RAPH1: variants seen among roughly 807,000 people sequenced by gnomAD.
The protein encoded by RAPH1 is Ras association (RalGDS/AF-6) and pleckstrin homology domains 1, also known as ras-associated and pleckstrin homology domains-containing protein 1.
A neutral mutation model predicts 88.1 loss-of-function variants in RAPH1; 18 were observed. That is an observed-to-expected ratio of 0.20 (90% CI 0.14 to 0.30). The LOEUF is 0.30. RAPH1 is among the 10% of genes least tolerant of loss of function. RAPH1 has a pLI of 1.00. For synonymous variants in RAPH1, 587 were observed against 559.0 expected (o/e 1.05, Z -0.71); for missense variants, 1,448 against 1,543.2 (o/e 0.94, Z 1.03).
At chr2:203,511,047 G>C (rs1347778260) in intron 1 of RAPH1, among the ~76,000 whole-genome samples, 1 of 152,078 alleles carries the variant, frequency 6.6e-6, no homozygotes, top group Non-Finnish European at 1.5e-5. Context: ...GGCATTTATA[G>C]CTAATCAGCT....
intron 1 of RAPH1, among the ~76,000 whole-genome samples, chr2:203,534,508 A>ACCCCCCCC (rs71007530): frequency 2.1e-4 from 4 of 19,118 alleles, no homozygotes; most frequent in Admixed American, 1.1e-3. Context: ...CCCTCCGTCC[A>ACCCCCCCC]CCCCCCCCCC....
At chr2:203,521,059 T>C (rs1031466224) in intron 1 of RAPH1, among the ~76,000 whole-genome samples, 1 of 152,150 alleles carries the variant, frequency 6.6e-6, no homozygotes, top group Non-Finnish European at 1.5e-5. Context: ...TTTGGGGTTT[T>C]TGTTTTGTTT....
In RAPH1 at chr2:203,441,061, G is replaced by A. The variant is rs1169974606; in HGVS notation, c.2129C>T (p.Pro710Leu). Residue 710 changes from proline to leucine, a missense_variant, in exon 14 of 14, where the codon CCA (proline) becomes CTA (leucine). Transcript: ENST00000319170. ...QILVPPNGVVPPPPPPPPPPT... is the reference protein window; with the variant it reads ...QILVPPNGVVLPPPPPPPPPT... Reference sequence around the variant, plus strand: ...GGGTGGAGGAGGGGGAGGGGGTGGTGGAACAACTCCATTGGGGGGTACCAG... The same window carrying A: ...GGGTGGAGGAGGGGGAGGGGGTGGTAGAACAACTCCATTGGGGGGTACCAG... The A allele has an allele frequency of 2.4e-6, 3 of 1,255,940 alleles. No individual in the cohort carries two copies. The highest frequency in any genetic ancestry group is 1.9e-5 in the Admixed American group (1 of 52,148). 77.8% of individuals were successfully genotyped at this position (1,255,940 alleles called of 1,614,324 possible).
At chr2:203,473,481 A>G (rs1031381083) in intron 4 of RAPH1, among the ~76,000 whole-genome samples, 2 of 152,156 alleles carry the variant, frequency 1.3e-5, no homozygotes, top group Non-Finnish European at 2.9e-5. Flanking sequence ...AATTTCTACC[A>G]GGGCCGTATT....
rs1382772458 is a variant in RAPH1 at position 203,518,135 on chromosome 2, GA to G, written c.-1+16975del. Among the ~76,000 whole-genome samples, 3 of 151,566 alleles carry G rather than the reference GA, an allele frequency of 2.0e-5. No individual in the cohort carries two copies. The South Asian group carries it at 6.3e-4, about 32-fold the overall frequency. On this transcript the variant is annotated intron_variant, in intron 1 of 13. Coordinates refer to ENST00000319170, the MANE Select transcript of RAPH1 (RefSeq NM_213589.3). ...ATAAGCTTCTAGGTAGCTTAACTAA[GA>G]AAAAAAAGAGAACACAAATTACCAA...
rs1559450944 is a variant in RAPH1 at position 203,448,368 on chromosome 2, G to T, written c.1513-289C>A. 1.3e-5 allele frequency among the ~76,000 whole-genome samples: 2 copies of T among 152,062 alleles called. No individual in the cohort carries two copies. Among genetic ancestry groups the T allele is most frequent in the Non-Finnish European group, 2.9e-5 (2 of 68,016 alleles). On this transcript the variant is annotated intron_variant, in intron 11 of 13. Transcript: ENST00000319170. The surrounding 1 kb of genome is among the most constrained non-coding windows in gnomAD (Gnocchi z 4.1). The stretch of plus-strand genomic sequence containing the variant: ...AGGGCAGCTTTTTAGCACTCTTCAG[G>T]ATACTGCTCCAAATGTGGTTGGTAA...
chr2:203,511,514 A>C (rs1689340720), intron 1 of RAPH1, among the ~76,000 whole-genome samples: 1 of 152,214 alleles, frequency 6.6e-6, no homozygotes, highest in Non-Finnish European at 1.5e-5. Context: ...TTAACAAATG[A>C]CTATTAGTAA....
Position 203,448,313 on chromosome 2 carries a change from A to C in RAPH1, c.1513-234T>G, listed in dbSNP as rs1201735208. Among the ~76,000 whole-genome samples, 3 of 152,158 alleles carry C rather than the reference A, an allele frequency of 2.0e-5. No homozygotes were observed. The highest frequency in any genetic ancestry group is 6.6e-5 in the Admixed American group (1 of 15,266). On this transcript the variant is annotated intron_variant, in intron 11 of 13. Coordinates refer to ENST00000319170, the MANE Select transcript of RAPH1 (RefSeq NM_213589.3). This position sits in a 1 kb window ranked among gnomAD's most constrained non-coding sequence, Gnocchi z 4.1. The stretch of plus-strand genomic sequence containing the variant: ...CTTGATTCTGTTTGTTATAAACATT[A>C]ATGTTTTTTCACCCCAAATTCTTGA...
chr2:203,507,249 T>C (rs1049157658), intron 1 of RAPH1, among the ~76,000 whole-genome samples: 4 of 151,896 alleles, frequency 2.6e-5, no homozygotes, highest in Non-Finnish European at 5.9e-5. Flanking sequence ...AGAAAGCTCT[T>C]ACTTACTGTA....
rs562188216 is a variant in RAPH1 at position 203,481,217 on chromosome 2, T to G, written c.732+8367A>C. Reference sequence around the variant, plus strand: ...AGAGCACTGGCCAGTCTACTTGTCTTGATTTTCCTTCAGTTCTGTGATGAA... The same window carrying G: ...AGAGCACTGGCCAGTCTACTTGTCTGGATTTTCCTTCAGTTCTGTGATGAA... On this transcript the variant is annotated intron_variant, in intron 4 of 13. Transcript: ENST00000319170. Among the ~76,000 whole-genome samples the G allele has an allele frequency of 4.4e-4, 67 of 152,300 alleles. No homozygotes were observed. In the Middle Eastern group the frequency reaches 0.01, roughly 23 times the overall value.
chr2:203,457,973 A>T (rs1278703466), intron 7 of RAPH1, among the ~76,000 whole-genome samples: 1 of 152,240 alleles, frequency 6.6e-6, no homozygotes, highest in African/African-American at 2.4e-5. Context: ...TCCTTAAAAT[A>T]TACTGATCTA....
At chr2:203,517,359 C>CAAAA (rs71408943) in intron 1 of RAPH1, among the ~76,000 whole-genome samples, 436 of 30,646 alleles carry the variant, frequency 0.014, 1 homozygote, top group Middle Eastern at 0.056. Context: ...CTATGAGAGG[C>CAAAA]AAAAAAAAAA....
chr2:203,523,869 T>C (rs1690000863), intron 1 of RAPH1, among the ~76,000 whole-genome samples: 1 of 152,064 alleles, frequency 6.6e-6, no homozygotes, highest in African/African-American at 2.4e-5. Context: ...CTGGGTGTGG[T>C]GGCATGCGCC....
intron 12 of RAPH1, chr2:203,446,810 T>C (rs1385561406): frequency 1.3e-5 from 2 of 152,136 alleles, no homozygotes; most frequent in Non-Finnish European, 2.9e-5. Context: ...GTGGTGTGAT[T>C]ATAGCTCACT....
chr2:203,478,883 T>C (rs970565286), intron 4 of RAPH1, among the ~76,000 whole-genome samples: 3 of 152,252 alleles, frequency 2.0e-5, no homozygotes, highest in Non-Finnish European at 2.9e-5. Flanking sequence ...AACTTTCTGC[T>C]TGGCCTGCAT....
chr2:203,516,927 G>A (rs1195954343), intron 1 of RAPH1, among the ~76,000 whole-genome samples: 1 of 151,784 alleles, frequency 6.6e-6, no homozygotes, highest in African/African-American at 2.4e-5. Context: ...CCAGCTACTC[G>A]GGAGGCTGAG....
At position 203,440,015 on chromosome 2, in the gene RAPH1, C is replaced by A; in HGVS notation, c.3175G>T (p.Asp1059Tyr). 1.2e-6 allele frequency: 2 copies of A among 1,613,584 alleles called. No individual in the cohort carries two copies. The highest frequency in any genetic ancestry group is 1.7e-6 in the Non-Finnish European group (2 of 1,179,962). Residue 1059 changes from aspartate to tyrosine, a missense_variant, in exon 14 of 14, where the codon GAC becomes TAC. Around this residue, in one of 2 missense-constraint regions of RAPH1, gnomAD observed 935 missense variants for 890.1 expected, o/e 1.05. Coordinates refer to ENST00000319170, the MANE Select transcript of RAPH1 (RefSeq NM_213589.3). ...GGAGAAGGAAATTCCACCACGGAGT[C>A]CTTTCCACGCCCACTCAGAACAGGG... ...KAPVLSGRGK[D>Y]SVVEFPSPPS...
chr2:203,506,747 T>TATATATCTAG (rs1689030722), intron 1 of RAPH1, among the ~76,000 whole-genome samples: 3 of 120,532 alleles, frequency 2.5e-5, no homozygotes, highest in African/African-American at 1.3e-4. Flanking sequence ...TATATCTATA[T>TATATATCTAG]ATATATATAT....
chr2:203,493,902 C>T lies in RAPH1; in HGVS notation c.120+1332G>A, dbSNP rs138837060. Among the ~76,000 whole-genome samples, 119 of 126,146 alleles carry T rather than the reference C, an allele frequency of 9.4e-4. 1 individual carries two copies. The highest frequency in any genetic ancestry group is 5.2e-3 in the Middle Eastern group (1 of 194). The allele number at this position is 126,146 out of a possible 152,430, so 82.8% of individuals were successfully genotyped here. Reference sequence around the variant, plus strand: ...AGGAGAATTGCTTGAACCCGGGAGGCGGTGGTTGCACTGAGCTGAGATCAC... The same window carrying T: ...AGGAGAATTGCTTGAACCCGGGAGGTGGTGGTTGCACTGAGCTGAGATCAC... On this transcript the variant is annotated intron_variant, in intron 2 of 13. Coordinates refer to ENST00000319170, the MANE Select transcript of RAPH1 (RefSeq NM_213589.3).
Sources: gnomAD v4.1 joint callset for allele counts (sites outside exome capture counted in the v4.1 genomes callset) on GRCh38, gnomAD v4.1.1 for gene constraint, gnomAD v4.1.1 regional missense constraint, Gnocchi (gnomAD v3.1) non-coding constraint, MANE v1.5 for transcripts, NCBI Gene and HGNC (gene_info 2026-07-23, HGNC 2026-07-21) for gene names.